IL1RAPL2: variants seen among roughly 807,000 people sequenced by gnomAD.
IL1RAPL2 encodes the protein interleukin 1 receptor accessory protein like 2.
A neutral mutation model predicts 44.1 loss-of-function variants in IL1RAPL2; 3 were observed. The observed-to-expected ratio is 0.07, with a 90% confidence interval of 0.03 to 0.18. The LOEUF (loss-of-function observed/expected upper bound fraction) is 0.18. Ranked by LOEUF, IL1RAPL2 falls within the 10% of genes least tolerant of loss-of-function variation. The pLI is 1.00. For synonymous variants in IL1RAPL2, 181 were observed against 178.8 expected (o/e 1.01, Z -0.10); for missense variants, 391 against 496.4 (o/e 0.79, Z 2.02).
intron 2 of IL1RAPL2, among the ~76,000 whole-genome samples, chrX:104,959,739 A>T (rs58726328): frequency 0.011 from 1,233 of 110,970 alleles, 19 homozygotes; most frequent in African/African-American, 0.038. Flanking sequence ...TTAAGATTTC[A>T]TTCACTCTAG....
intron 3 of IL1RAPL2, chrX:105,219,152 C>T: frequency 8.3e-7 from 1 of 1,211,142 alleles, no homozygotes; most frequent in Non-Finnish European, 1.1e-6. Flanking sequence ...CTGTGGGGCC[C>T]CCCATCAGAC....
intron 2 of IL1RAPL2, among the ~76,000 whole-genome samples, chrX:104,859,647 G>A (rs1273645903): frequency 8.9e-6 from 1 of 112,020 alleles, no homozygotes; most frequent in Non-Finnish European, 1.9e-5. Context: ...GTAATTTAGG[G>A]AAAACATAAA....
At chrX:105,683,497 T>A (rs915585855) in intron 6 of IL1RAPL2, among the ~76,000 whole-genome samples, 1 of 109,409 alleles carries the variant, frequency 9.1e-6, no homozygotes, top group East Asian at 2.8e-4. Context: ...GTGTGCATTT[T>A]AAAAATTCCC....
chrX:104,921,255 G>A (rs1569343293), intron 2 of IL1RAPL2, among the ~76,000 whole-genome samples: 1 of 92,302 alleles, frequency 1.1e-5, no homozygotes, highest in Non-Finnish European at 2.1e-5. Context: ...CCACCCCAGA[G>A]CTTTGCATCC....
intron 10 of IL1RAPL2, among the ~76,000 whole-genome samples, chrX:105,762,135 C>T (rs1198516402): frequency 8.9e-6 from 1 of 112,096 alleles, no homozygotes; most frequent in Non-Finnish European, 1.9e-5. Context: ...TTTCCTCCTT[C>T]AGTTTGCCTT....
chrX:104,837,505 G>C (rs755761329), intron 2 of IL1RAPL2, among the ~76,000 whole-genome samples: 95 of 111,960 alleles, frequency 8.5e-4, no homozygotes, highest in African/African-American at 2.9e-3. Context: ...TCATATGTTT[G>C]TTGGCTGCAT....
In IL1RAPL2 at chrX:104,865,853, T is replaced by C. The variant is rs2147649665; in HGVS notation, c.82+206858T>C. ...TGTCAGCTTCCCTACTCTTGAGGTTTTGGGACTCAGACTGGCTTCCTTGCT... is the reference window on the plus strand; with the variant it reads ...TGTCAGCTTCCCTACTCTTGAGGTTCTGGGACTCAGACTGGCTTCCTTGCT... On this transcript the variant is annotated intron_variant, in intron 2 of 10. Coordinates refer to ENST00000372582, the MANE Select transcript of IL1RAPL2 (RefSeq NM_017416.2). Among the ~76,000 whole-genome samples, 3 of 112,686 alleles carry C rather than the reference T, an allele frequency of 2.7e-5. No homozygotes were observed. The South Asian group carries it at 1.1e-3, about 41-fold the overall frequency.
chrX:105,372,287 T>C (rs1346512699), intron 5 of IL1RAPL2, among the ~76,000 whole-genome samples: 1 of 109,251 alleles, frequency 9.2e-6, no homozygotes, highest in Non-Finnish European at 1.9e-5. Flanking sequence ...AATATAAAAA[T>C]TAGCCAGGCA....
At chrX:105,228,962 A>G (rs1381039699) in intron 3 of IL1RAPL2, among the ~76,000 whole-genome samples, 1 of 112,435 alleles carries the variant, frequency 8.9e-6, no homozygotes, top group Non-Finnish European at 1.9e-5. Flanking sequence ...TGGAAAGATT[A>G]CTAACATGTG....
chrX:105,218,864 TTCCCCTA>T (rs1308099265), intron 3 of IL1RAPL2: 1 of 749,383 alleles, frequency 1.3e-6, no homozygotes, highest in African/African-American at 2.2e-5. Flanking sequence ...CCCAGCCTTC[TTCCCCTA>T]CCACCCCGGC....
intron 2 of IL1RAPL2, among the ~76,000 whole-genome samples, chrX:105,022,228 T>C (rs1466792558): frequency 9.0e-6 from 1 of 111,065 alleles, no homozygotes; most frequent in Non-Finnish European, 1.9e-5. Context: ...ATAGACTAAG[T>C]TTACTGAAAC....
At chrX:105,417,459 C>T (rs1036694808) in intron 5 of IL1RAPL2, among the ~76,000 whole-genome samples, 7 of 112,807 alleles carry the variant, frequency 6.2e-5, no homozygotes, top group South Asian at 3.6e-4. Flanking sequence ...GGCAACAGAA[C>T]GAGCCTTCGT....
intron 6 of IL1RAPL2, among the ~76,000 whole-genome samples, chrX:105,592,292 C>T (rs2037177842): frequency 8.9e-6 from 1 of 111,859 alleles, no homozygotes; most frequent in African/African-American, 3.2e-5. Context: ...GATTTCTCTC[C>T]ATCCTTTTAC....
At chrX:104,794,663 G>A (rs1489070183) in intron 2 of IL1RAPL2, among the ~76,000 whole-genome samples, 3 of 112,190 alleles carry the variant, frequency 2.7e-5, no homozygotes, top group Non-Finnish European at 5.6e-5. Context: ...TTTGATACGT[G>A]TGGAGGGATT....
chrX:104,567,106 C>T (rs1208868886), intron 1 of IL1RAPL2, 55 bp downstream of exon 1: 1 of 113,189 alleles, frequency 8.8e-6, no homozygotes, highest in African/African-American at 3.2e-5. Context: ...GGGGAGAACG[C>T]GCTGCGCTCT....
At chrX:104,907,930 G>C (rs1924075989) in intron 2 of IL1RAPL2, among the ~76,000 whole-genome samples, 1 of 109,529 alleles carries the variant, frequency 9.1e-6, no homozygotes, top group Non-Finnish European at 1.9e-5. Context: ...ATTAATGTGT[G>C]GGAGTCTAAG....
chrX:105,528,203 C>G (rs927343921), intron 6 of IL1RAPL2, among the ~76,000 whole-genome samples: 2 of 111,897 alleles, frequency 1.8e-5, no homozygotes, highest in Non-Finnish European at 3.8e-5. Flanking sequence ...TTGAATAGCA[C>G]TTTTCCCCTT....
At chrX:105,080,211 C>A (rs548746585) in intron 2 of IL1RAPL2, among the ~76,000 whole-genome samples, 1 of 112,062 alleles carries the variant, frequency 8.9e-6, no homozygotes, top group Admixed American at 9.5e-5. Context: ...TGTGCAGAAG[C>A]TCTTTAGTTT....
intron 2 of IL1RAPL2, among the ~76,000 whole-genome samples, chrX:105,166,687 T>G (rs903316942): frequency 3.6e-5 from 4 of 112,448 alleles, no homozygotes; most frequent in Non-Finnish European, 7.5e-5. Context: ...CTAGCTGTGC[T>G]CCATCCTGCT....
Sources: gnomAD v4.1 joint callset for allele counts (sites outside exome capture counted in the v4.1 genomes callset) on GRCh38, gnomAD v4.1.1 for gene constraint, MANE v1.5 for transcripts, NCBI Gene and HGNC (gene_info 2026-07-23, HGNC 2026-07-21) for gene names.